The following KCNB2 variants were observed in gnomAD, a reference collection of about 807,000 sequenced individuals.
KCNB2 encodes the protein potassium voltage-gated channel subfamily B member 2.
In KCNB2, 15 loss-of-function variants were observed where a neutral mutation model predicts 61.5. That is an observed-to-expected ratio of 0.24 (90% CI 0.16 to 0.38). The LOEUF is 0.38. Ranked by LOEUF, KCNB2 falls within the 10% of genes least tolerant of loss-of-function variation. The pLI, the probability that KCNB2 is intolerant of heterozygous loss-of-function variation, is 1.00. For synonymous variants in KCNB2, 457 were observed against 446.0 expected (o/e 1.02, Z -0.31); for missense variants, 828 against 1,125.2 (o/e 0.74, Z 3.78).
At chr8:72,797,821 C>G (rs1809055918) in intron 2 of KCNB2, among the ~76,000 whole-genome samples, 1 of 152,196 alleles carries the variant, frequency 6.6e-6, no homozygotes, top group South Asian at 2.1e-4. Flanking sequence ...CCATGGATGT[C>G]TTTTTGGAGG....
intron 2 of KCNB2, among the ~76,000 whole-genome samples, chr8:72,592,983 G>C (rs1453703117): frequency 2.0e-5 from 3 of 152,074 alleles, no homozygotes; most frequent in African/African-American, 7.2e-5. Flanking sequence ...ATAAATAAAA[G>C]ACTTTTTGAA....
chr8:72,713,583 A>G (rs1378723800), intron 2 of KCNB2, among the ~76,000 whole-genome samples: 3 of 152,228 alleles, frequency 2.0e-5, no homozygotes, highest in African/African-American at 7.2e-5. Context: ...ACTCCAACAG[A>G]CGTGCAGCTG....
At chr8:72,922,311 A>G (rs916109795) in intron 2 of KCNB2, among the ~76,000 whole-genome samples, 10 of 152,180 alleles carry the variant, frequency 6.6e-5, no homozygotes, top group African/African-American at 1.9e-4. Context: ...ATAACTAATG[A>G]CATCTGCAAA....
chr8:72,897,419 A>T (rs548798522), intron 2 of KCNB2, among the ~76,000 whole-genome samples: 1 of 152,272 alleles, frequency 6.6e-6, no homozygotes, highest in Admixed American at 6.5e-5. Flanking sequence ...AAGTTTTGCC[A>T]CTAAGATATT....
chr8:72,838,025 T>C (rs1183838561), intron 2 of KCNB2, among the ~76,000 whole-genome samples: 1 of 152,202 alleles, frequency 6.6e-6, no homozygotes, highest in Non-Finnish European at 1.5e-5. Flanking sequence ...ATTAACATTA[T>C]TTTTAGGAAA....
chr8:72,925,378 G>A (rs1394048783), intron 2 of KCNB2, among the ~76,000 whole-genome samples: 1 of 152,164 alleles, frequency 6.6e-6, no homozygotes, highest in South Asian at 2.1e-4. Flanking sequence ...GTATAAATAG[G>A]TCCTTAAACT....
intron 2 of KCNB2, among the ~76,000 whole-genome samples, chr8:72,864,862 C>T (rs1404220543): frequency 6.6e-6 from 1 of 152,164 alleles, no homozygotes; most frequent in South Asian, 2.1e-4. Flanking sequence ...TTAATTAAAT[C>T]TCTCAGAAGG....
chr8:72,835,482 C>T (rs1038429564), intron 2 of KCNB2, among the ~76,000 whole-genome samples: 14 of 152,108 alleles, frequency 9.2e-5, no homozygotes, highest in Admixed American at 9.2e-4. Flanking sequence ...GGCAGGATAA[C>T]CTATAAGTGA....
chr8:72,769,444 TC>T lies in KCNB2; in HGVS notation c.580-166490del, dbSNP rs1563379936. 1.7e-4 allele frequency among the ~76,000 whole-genome samples: 26 copies of T among 152,180 alleles called. 1 individual carries two copies. Among genetic ancestry groups the T allele is most frequent in the Admixed American group, 1.6e-3 (25 of 15,274 alleles). On this transcript the variant is annotated intron_variant, in intron 2 of 2. Coordinates refer to ENST00000523207, the MANE Select transcript of KCNB2 (RefSeq NM_004770.3). ...AAAAAAATTGCACTATAGCAAATGT[TC>T]TAATAGAGATATGCACAGACAAAAC...
chr8:72,901,172 G>A (rs1806086878), intron 2 of KCNB2, among the ~76,000 whole-genome samples: 2 of 152,166 alleles, frequency 1.3e-5, no homozygotes, highest in Non-Finnish European at 2.9e-5. Context: ...CCACCAGCCA[G>A]GCAAGGAAGA....
intron 2 of KCNB2, among the ~76,000 whole-genome samples, chr8:72,674,730 A>G (rs554949402): frequency 6.6e-6 from 1 of 152,298 alleles, no homozygotes; most frequent in East Asian, 1.9e-4. Flanking sequence ...AAGAAACACT[A>G]ACTTCTGACT....
intron 2 of KCNB2, among the ~76,000 whole-genome samples, chr8:72,910,933 C>T (rs1046813985): frequency 6.6e-6 from 1 of 152,168 alleles, no homozygotes; most frequent in Non-Finnish European, 1.5e-5. Flanking sequence ...AGTTCTTTAT[C>T]GTGCATTGTC....
At chr8:72,912,340 T>C (rs371442507) in intron 2 of KCNB2, among the ~76,000 whole-genome samples, 1 of 151,874 alleles carries the variant, frequency 6.6e-6, no homozygotes. Context: ...GTGGATGAAA[T>C]AACTAACTTC....
At chr8:72,693,766 A>C (rs2043819404) in intron 2 of KCNB2, among the ~76,000 whole-genome samples, 1 of 152,200 alleles carries the variant, frequency 6.6e-6, no homozygotes, top group Admixed American at 6.5e-5. Context: ...AGAAAGAGAA[A>C]GAACCAGGGA....
At chr8:72,811,538 G>A (rs561635837) in intron 2 of KCNB2, among the ~76,000 whole-genome samples, 5 of 152,214 alleles carry the variant, frequency 3.3e-5, no homozygotes, top group Non-Finnish European at 2.9e-5. Context: ...ATGTATTTAT[G>A]TATACAGAGA....
intron 2 of KCNB2, among the ~76,000 whole-genome samples, chr8:72,841,947 C>G (rs190672979): frequency 1.3e-5 from 2 of 152,270 alleles, no homozygotes; most frequent in East Asian, 3.9e-4. Flanking sequence ...ATTGCCCTGG[C>G]CAGAACTTCC....
chr8:72,680,715 A>T (rs1409977937), intron 2 of KCNB2, among the ~76,000 whole-genome samples: 1 of 152,146 alleles, frequency 6.6e-6, no homozygotes, highest in Non-Finnish European at 1.5e-5. Context: ...ATAAAATACA[A>T]TAATGTTTAG....
intron 2 of KCNB2, among the ~76,000 whole-genome samples, chr8:72,749,799 TAATA>T (rs1035204007): frequency 4.1e-5 from 6 of 145,780 alleles, no homozygotes; most frequent in South Asian, 2.1e-4. Context: ...ATAATATATA[TAATA>T]TATAATATAA....
chr8:72,603,592 G>C (rs1032315427), intron 2 of KCNB2, among the ~76,000 whole-genome samples: 6 of 152,106 alleles, frequency 3.9e-5, no homozygotes, highest in African/African-American at 1.4e-4. Flanking sequence ...AGAGCAGAGT[G>C]GTCAACAACA....
Sources: gnomAD v4.1 joint callset for allele counts (sites outside exome capture counted in the v4.1 genomes callset) on GRCh38, gnomAD v4.1.1 for gene constraint, MANE v1.5 for transcripts, NCBI Gene and HGNC (gene_info 2026-07-23, HGNC 2026-07-21) for gene names.